Variants in SERPINA1 observed in about 807,000 individuals in gnomAD.
The protein encoded by SERPINA1 is serpin family A member 1.
SERPINA1 carries 21 observed loss-of-function variants against 25.4 expected under a neutral mutation model. That is an observed-to-expected ratio of 0.83 (90% CI 0.59 to 1.19). The LOEUF (loss-of-function observed/expected upper bound fraction) is 1.19, where lower values mean the gene tolerates loss of function less well. SERPINA1 is among the 50% of genes most tolerant of loss of function. The pLI is 0.00. For synonymous variants in SERPINA1, 218 were observed against 211.1 expected (o/e 1.03, Z -0.29); for missense variants, 546 against 509.0 (o/e 1.07, Z -0.70).
intron 1 of SERPINA1, among the ~76,000 whole-genome samples, chr14:94,386,459 T>C (rs75285293): frequency 0.018 from 2,726 of 152,254 alleles, 44 homozygotes; most frequent in South Asian, 0.088. Context: ...TAAACCCAAG[T>C]GTGACCAGGC....
chr14:94,379,597 T>C lies in SERPINA1; in HGVS notation c.932A>G (p.His311Arg). 1 of 1,614,188 alleles carries C rather than the reference T, an allele frequency of 6.2e-7. No homozygotes were observed. The highest frequency in any genetic ancestry group is 1.3e-5 in the African/African-American group (1 of 75,038). The change falls in exon 4 of 5, where the codon CAT becomes CGT. Residue 311 changes from histidine to arginine, a missense_variant. Coordinates refer to ENST00000393087, the MANE Select transcript of SERPINA1 (RefSeq NM_000295.5). The stretch of plus-strand genomic sequence containing the variant: ...TCCAGTAATGGACAGTTTGGGTAAA[T>C]GTAAGCTGGCAGACCTGTCGTGCAG... ...ENEDRRSASL[H>R]LPKLSITGTY...
At position 94,383,001 on chromosome 14, in the gene SERPINA1, C is replaced by T; in HGVS notation, c.237G>A (p.Val79=). 1.2e-6 allele frequency: 2 copies of T among 1,609,754 alleles called. No homozygotes were observed. The highest frequency in any genetic ancestry group is 1.7e-6 in the Non-Finnish European group (2 of 1,176,458). The change falls in exon 2 of 5, where the codon GTG becomes GTA. Residue 79 remains valine, a synonymous_variant. Transcript: ENST00000393087. ...GCATTGCAAAGGCTGTAGCGATGCT[C>T]ACTGGGGAGAAGAAGATATTGGTGC... ...SNSTNIFFSP[V]SIATAFAMLS...
chr14:94,387,349 C>T (rs770727907), intron 1 of SERPINA1, among the ~76,000 whole-genome samples: 16 of 152,240 alleles, frequency 1.1e-4, no homozygotes, highest in African/African-American at 1.9e-4. Flanking sequence ...GTGCCTGCTG[C>T]GCAGCAAGTT....
At chr14:94,383,645 A>C in intron 1 of SERPINA1, 1 of 226,062 alleles carries the variant, frequency 4.4e-6, no homozygotes, top group Non-Finnish European at 8.8e-6. Context: ...ATCTGCAATG[A>C]CCCTAAGATG....
chr14:94,383,809 T>C (rs917703412), intron 1 of SERPINA1, among the ~76,000 whole-genome samples: 1 of 152,200 alleles, frequency 6.6e-6, no homozygotes, highest in Non-Finnish European at 1.5e-5. Context: ...TCCCACTATT[T>C]AGTGGCCAGG....
Position 94,382,932 on chromosome 14 carries a change from C to T in SERPINA1, c.306G>A (p.Glu102=). The T allele has an allele frequency of 6.2e-7, 1 of 1,611,256 alleles. No individual in the cohort carries two copies. The highest frequency in any genetic ancestry group is 8.5e-7 in the Non-Finnish European group (1 of 1,177,754). The part of the protein sequence containing the change: ...TKADTHDEIL[E]GLNFNLTEIP... ...TCTCCGTGAGGTTGAAATTCAGGCC[C>T]TCCAGGATTTCATCGTGAGTGTCAG... The change falls in exon 2 of 5, where the codon GAG becomes GAA. Residue 102 remains glutamate (E), a synonymous_variant. Transcript: ENST00000393087.
At chr14:94,388,099 C>T (rs892613942) in intron 1 of SERPINA1, among the ~76,000 whole-genome samples, 1 of 152,086 alleles carries the variant, frequency 6.6e-6, no homozygotes. Flanking sequence ...TTAACCTCCT[C>T]ATCTATAGAA....
At chr14:94,389,071 G>A (rs913598006), upstream of SERPINA1, 5 of 152,244 alleles carry the variant, frequency 3.3e-5, no homozygotes, top group South Asian at 2.1e-4. Context: ...TCAGAGCGGA[G>A]AGACCGCTCA....
intron 1 of SERPINA1, among the ~76,000 whole-genome samples, chr14:94,386,580 C>T (rs1897301873): frequency 6.6e-6 from 1 of 152,158 alleles, no homozygotes; most frequent in Admixed American, 6.5e-5. Flanking sequence ...TGAGGAATAA[C>T]TGACGTAATG....
upstream of SERPINA1, chr14:94,389,025 T>C (rs1897497957): frequency 6.6e-6 from 1 of 152,070 alleles, no homozygotes; most frequent in East Asian, 1.9e-4. Context: ...GAGATCAGAG[T>C]GGGTTAGAGC....
At position 94,378,014 on chromosome 14, in the gene SERPINA1, A is replaced by G. The variant is rs568235941; in HGVS notation, c.*435T>C. On this transcript the variant is annotated 3_prime_UTR_variant, in exon 5 of 5. Transcript: ENST00000393087. ...GGTGGGCACAGCCAGCCCTGGCAGGATGAGCAACTCTGGGTGGGGGGGAGT... is the reference window on the plus strand; with the variant it reads ...GGTGGGCACAGCCAGCCCTGGCAGGGTGAGCAACTCTGGGTGGGGGGGAGT... The G allele has an allele frequency of 7.1e-4, 136 of 190,836 alleles. No homozygotes were observed. The highest frequency in any genetic ancestry group is 3.2e-3 in the African/African-American group (131 of 40,420). 11.8% of individuals were successfully genotyped at this position (190,836 alleles called of 1,614,324 possible).
At chr14:94,386,225 A>G (rs1296817790) in intron 1 of SERPINA1, among the ~76,000 whole-genome samples, 1 of 152,356 alleles carries the variant, frequency 6.6e-6, no homozygotes, top group African/African-American at 2.4e-5. Flanking sequence ...CACTGAGGCC[A>G]AGCTTTAAAC....
At chr14:94,389,507 A>C (rs1897542116), upstream of SERPINA1, 1 of 151,672 alleles carries the variant, frequency 6.6e-6, no homozygotes, top group African/African-American at 2.4e-5. Flanking sequence ...TACAGCTTGG[A>C]GTTTCTTTGG....
At chr14:94,386,477 C>T (rs951394071) in intron 1 of SERPINA1, among the ~76,000 whole-genome samples, 5 of 152,232 alleles carry the variant, frequency 3.3e-5, no homozygotes, top group African/African-American at 1.2e-4. Context: ...GGCCCTGTCA[C>T]TTACTGGCAG....
At chr14:94,386,103 C>T (rs1017718986) in intron 1 of SERPINA1, among the ~76,000 whole-genome samples, 8 of 152,240 alleles carry the variant, frequency 5.3e-5, no homozygotes, top group Non-Finnish European at 8.8e-5. Flanking sequence ...AACCTGCTCT[C>T]TCCTGGCCCT....
Position 94,382,842 on chromosome 14 carries a change from G to T in SERPINA1, c.396C>A (p.Ser132Arg). Residue 132 changes from serine (S) to arginine (R), a missense_variant, in exon 2 of 5, where the codon AGC becomes AGA. Coordinates refer to ENST00000393087, the MANE Select transcript of SERPINA1 (RefSeq NM_000295.5). Reference sequence around the variant, plus strand: ...CATTGCCGGTGGTCAGCTGGAGCTGGCTGTCTGGCTGGTTGAGGGTACGGA... The same window carrying T: ...CATTGCCGGTGGTCAGCTGGAGCTGTCTGTCTGGCTGGTTGAGGGTACGGA... ...ELLRTLNQPD[S>R]QLQLTTGNGL... 6.2e-7 allele frequency: 1 copy of T among 1,614,146 alleles called. No homozygotes were observed. The highest frequency in any genetic ancestry group is 8.5e-7 in the Non-Finnish European group (1 of 1,180,012).
intron 1 of SERPINA1, among the ~76,000 whole-genome samples, chr14:94,383,849 T>C (rs1228205294): frequency 6.6e-6 from 1 of 152,244 alleles, no homozygotes; most frequent in Admixed American, 6.5e-5. Flanking sequence ...GAAATGCATC[T>C]TGCACAATGG....
rs576575224 is a variant in SERPINA1, at chr14:94,382,778, A to G, written c.460T>C (p.Phe154Leu). The change falls in exon 2 of 5, where the codon TTT becomes CTT. Residue 154 changes from phenylalanine to leucine, a missense_variant. By Grantham distance (22) the Phe-to-Leu change is conservative (BLOSUM62 0). Coordinates refer to ENST00000393087, the MANE Select transcript of SERPINA1 (RefSeq NM_000295.5). Reference protein sequence around the residue: ...LSEGLKLVDKFLEDVKKLYHS... With the variant: ...LSEGLKLVDKLLEDVKKLYHS... ...TACAACTTTTTAACATCCTCCAAAA[A>G]CTTATCCACTAGCTTCAGGCCCTCG... The G allele has an allele frequency of 1.2e-6, 2 of 1,614,164 alleles. No individual in the cohort carries two copies. The highest frequency in any genetic ancestry group is 1.1e-5 in the South Asian group (1 of 91,082).
intron 1 of SERPINA1, among the ~76,000 whole-genome samples, chr14:94,384,825 A>G (rs1277425077): frequency 6.6e-6 from 1 of 152,220 alleles, no homozygotes; most frequent in African/African-American, 2.4e-5. Context: ...ACCCCCTTGG[A>G]CTTTTAAAAG....
Sources: allele counts gnomAD v4.1 joint callset (sites outside exome capture counted in the v4.1 genomes callset), GRCh38; gene constraint gnomAD v4.1.1; transcripts MANE v1.5; gene names NCBI Gene and HGNC (gene_info 2026-07-23, HGNC 2026-07-21).